The following TTK variants were observed in gnomAD, a reference collection of about 807,000 sequenced individuals.
TTK encodes the protein dual specificity protein kinase TTK.
TTK carries 59 observed loss-of-function variants against 117.3 expected under a neutral mutation model. The ratio of observed to expected loss-of-function variants is 0.50; its 90% confidence interval spans 0.41 to 0.62. TTK has a LOEUF of 0.62. TTK is among the 20% of genes least tolerant of loss of function. TTK has a pLI of 0.00. For synonymous variants in TTK, 302 were observed against 325.0 expected, an observed-to-expected ratio of 0.93 and a Z score of 0.76; for missense variants, 921 against 989.4, an observed-to-expected ratio of 0.93 and a Z score of 0.93.
intron 12 of TTK, among the ~76,000 whole-genome samples, 200 bp from the exon 13 acceptor site, chr6:80,027,685 A>G (rs1767642202): frequency 6.6e-6 from 1 of 152,208 alleles, no homozygotes; most frequent in African/African-American, 2.4e-5. Flanking sequence ...ACAAATATTT[A>G]CTTTCAGAAA....
intron 14 of TTK, 54 bp downstream of exon 14, chr6:80,031,613 T>G: frequency 7.6e-7 from 1 of 1,322,566 alleles, no homozygotes; most frequent in Non-Finnish European, 1.0e-6. Context: ...AACTTTCTGT[T>G]TTTTTGTCTT....
Position 80,013,315 on chromosome 6 carries a change from G to T in TTK, c.933G>T (p.Val311=), listed in dbSNP as rs765548079. The T allele has an allele frequency of 1.6e-5, 26 of 1,602,916 alleles. No individual in the cohort carries two copies. The Admixed American group carries it at 3.7e-4, about 23-fold the overall frequency. The change falls in exon 9 of 22, where the codon GTG becomes GTT. Residue 311 remains valine, a synonymous_variant. Coordinates refer to ENST00000369798, the MANE Select transcript of TTK (RefSeq NM_003318.5). The part of the protein sequence containing the change: ...TSRSECRDLV[V]PGSKPSGNDS... ...GATCAGAATGCCGAGATTTGGTTGT[G>T]CCTGGATCTAAACCAAGTGGAAATG... is the stretch of plus-strand genomic sequence containing the variant.
intron 10 of TTK, among the ~76,000 whole-genome samples, chr6:80,020,694 C>T (rs1026571410): frequency 1.3e-5 from 2 of 152,114 alleles, no homozygotes; most frequent in East Asian, 3.9e-4. Context: ...AAGCTTGACG[C>T]AGATACAAGA....
intron 10 of TTK, 29 bp downstream of exon 10, chr6:80,014,615 ATGT>A (rs760011063): frequency 1.3e-6 from 2 of 1,556,700 alleles, no homozygotes; most frequent in South Asian, 2.5e-5. Flanking sequence ...GTAGACTTGT[ATGT>A]TTAGTTAAGA....
intron 4 of TTK, among the ~76,000 whole-genome samples, chr6:80,009,557 G>A (rs1437966749): frequency 2.6e-5 from 4 of 151,732 alleles, no homozygotes; most frequent in Non-Finnish European, 4.4e-5. Flanking sequence ...AGGTATTGTG[G>A]CCTCTCAATA....
At chr6:80,026,287 A>G in intron 11 of TTK, 91 bp from the exon 12 acceptor site, 1 of 1,326,128 alleles carries the variant, frequency 7.5e-7, no homozygotes, top group Non-Finnish European at 1.0e-6. Flanking sequence ...ATATGTTATT[A>G]TTTTATTTTA....
In TTK at chr6:80,008,929, CTGTGTGTGTGTGTGTG is replaced by C. The variant is rs3049166; in HGVS notation, c.469+461_469+476del. ...CTTGGTGGTCAAGTAAACTATATATCTGTGTGTGTGTGTGTGTGTGTGTGTGTGTGTGTGTGTGTAG... is the reference window on the plus strand; with the variant it reads ...CTTGGTGGTCAAGTAAACTATATATCTGTGTGTGTGTGTGTGTGTGTGTAG... On this transcript the variant is annotated intron_variant, in intron 4 of 21. Coordinates refer to ENST00000369798, the MANE Select transcript of TTK (RefSeq NM_003318.5). Among the ~76,000 whole-genome samples the C allele has an allele frequency of 6.3e-5, 9 of 142,404 alleles. No homozygotes were observed. The East Asian group carries it at 1.5e-3, about 24-fold the overall frequency. The allele number at this position is 142,404 out of a possible 152,430, so 93.4% of individuals were successfully genotyped here.
chr6:80,019,831 A>G (rs1257678584), intron 10 of TTK, among the ~76,000 whole-genome samples: 1 of 152,222 alleles, frequency 6.6e-6, no homozygotes, highest in Non-Finnish European at 1.5e-5. Context: ...ATCTTAATAT[A>G]TAGACATAGA....
intron 21 of TTK, among the ~76,000 whole-genome samples, chr6:80,041,509 G>T (rs1326689529): frequency 6.6e-6 from 1 of 151,454 alleles, no homozygotes; most frequent in African/African-American, 2.4e-5. Flanking sequence ...TAATTGCTCT[G>T]TATTTTGTAT....
rs763349366 is a variant in TTK, at chr6:80,036,606, C to CT, written c.2049+9dup. On this transcript the variant is annotated splice_region_variant and intron_variant, in intron 17 of 21. Transcript: ENST00000369798. ...TGTTGTTAAAGATTCTCAGGTAAGA[C>CT]TTAATGTTGGTTCTCTCACAGTAGA... 1.0e-5 allele frequency: 16 copies of CT among 1,602,646 alleles called. No individual in the cohort carries two copies. Among genetic ancestry groups the CT allele is most frequent in the Admixed American group, 5.2e-5 (3 of 57,866 alleles).
Position 80,011,625 on chromosome 6 carries a change from A to T in TTK, c.728+77A>T, listed in dbSNP as rs371770000. 3.2e-5 allele frequency: 49 copies of T among 1,528,558 alleles called. No individual in the cohort carries two copies. The African/African-American group carries it at 6.2e-4, about 19-fold the overall frequency. The allele number at this position is 1,528,558 out of a possible 1,614,324, so 94.7% of individuals were successfully genotyped here. A position where few individuals can be genotyped will look rare whatever the true frequency, so the allele number is the denominator to read the frequency against. On this transcript the variant is annotated intron_variant, in intron 6 of 21. Coordinates refer to ENST00000369798, the MANE Select transcript of TTK (RefSeq NM_003318.5). ...TGTGTTTTTTAATGTAATTACATGT[A>T]TCTGCATATATGTTTTCATGTGTGT...
chr6:80,013,077 T>C (rs1005678617), intron 8 of TTK, among the ~76,000 whole-genome samples: 4 of 152,086 alleles, frequency 2.6e-5, no homozygotes, highest in African/African-American at 9.7e-5. Flanking sequence ...CTGTGTCACT[T>C]TTGTCATTGC....
chr6:80,008,145 C>T (rs946439189), intron 3 of TTK, 114 bp downstream of exon 3: 7 of 1,273,278 alleles, frequency 5.5e-6, no homozygotes, highest in Non-Finnish European at 6.3e-6. Flanking sequence ...ATTTTTTTAC[C>T]AAATACTTTT....
chr6:80,025,586 A>G (rs1767584102), intron 11 of TTK, among the ~76,000 whole-genome samples: 2 of 152,232 alleles, frequency 1.3e-5, no homozygotes, highest in Non-Finnish European at 2.9e-5. Context: ...AGCAGGGGTT[A>G]GCAAACTTTA....
chr6:80,023,952 C>G (rs891137131), intron 11 of TTK, among the ~76,000 whole-genome samples: 4 of 152,116 alleles, frequency 2.6e-5, no homozygotes, highest in African/African-American at 9.7e-5. Context: ...TTGTATCAAA[C>G]CAGCATCTCC....
intron 10 of TTK, among the ~76,000 whole-genome samples, chr6:80,020,903 T>G (rs1767441700): frequency 1.3e-5 from 2 of 152,186 alleles, no homozygotes; most frequent in South Asian, 2.1e-4. Flanking sequence ...CCAATGCAGA[T>G]GGAGCATTCC....
intron 11 of TTK, among the ~76,000 whole-genome samples, chr6:80,024,087 CT>C (rs1767540590): frequency 6.6e-6 from 1 of 152,168 alleles, no homozygotes; most frequent in Non-Finnish European, 1.5e-5. Flanking sequence ...ACTAGGACGG[CT>C]GTAATTCAAG....
intron 3 of TTK, 105 bp from the exon 4 acceptor site, chr6:80,008,281 G>T: frequency 8.5e-7 from 1 of 1,181,516 alleles, no homozygotes. Context: ...TTTACCCACA[G>T]AAAAAAGCAA....
chr6:80,014,331 G>T, intron 9 of TTK, 132 bp from the exon 10 acceptor site: 2 of 669,320 alleles, frequency 3.0e-6, no homozygotes, highest in South Asian at 1.1e-4. Flanking sequence ...GGGTTTGTGA[G>T]TCTACATATA....
Sources: gnomAD v4.1 joint callset for allele counts (sites outside exome capture counted in the v4.1 genomes callset) on GRCh38, gnomAD v4.1.1 for gene constraint, MANE v1.5 for transcripts, NCBI Gene and HGNC (gene_info 2026-07-23, HGNC 2026-07-21) for gene names.